Variants in ZNF607 observed in about 807,000 individuals in gnomAD.
The protein encoded by ZNF607 is zinc finger protein 607.
A neutral mutation model predicts 12.8 loss-of-function variants in ZNF607; 5 were observed. That is an observed-to-expected ratio of 0.39 (90% CI 0.20 to 0.82). The LOEUF is 0.82. Ranked by LOEUF, ZNF607 falls within the 40% of genes least tolerant of loss-of-function variation. ZNF607 has a pLI of 0.39. For synonymous variants in ZNF607, 287 were observed against 276.2 expected (o/e 1.04, Z -0.39); for missense variants, 851 against 859.2 (o/e 0.99, Z 0.12).
Position 37,699,346 on chromosome 19 carries a change from A to G in ZNF607, c.785T>C (p.Phe262Ser), listed in dbSNP as rs1203869005. 2.5e-6 allele frequency: 4 copies of G among 1,614,076 alleles called. No individual in the cohort carries two copies. In the South Asian group the frequency reaches 4.4e-5, roughly 18 times the overall value. Residue 262 changes from phenylalanine to serine, a missense_variant, in exon 5 of 5, where the codon TTT becomes TCT. Phe to Ser is a radical substitution (Grantham distance 155). Coordinates refer to ENST00000355202, the MANE Select transcript of ZNF607 (RefSeq NM_032689.5). ...PFECNKCGKS[F>S]RLKAGLKVHQ... ...TACTTTAAGGCCTGCTTTGAGCCTAAAGGACTTCCCACATTTGTTACATTC... is the reference window on the plus strand; with the variant it reads ...TACTTTAAGGCCTGCTTTGAGCCTAGAGGACTTCCCACATTTGTTACATTC...
intron 4 of ZNF607, among the ~76,000 whole-genome samples, chr19:37,701,476 A>T (rs1239404156): frequency 2.6e-5 from 4 of 152,254 alleles, no homozygotes; most frequent in Non-Finnish European, 5.9e-5. Flanking sequence ...ATTCTCTTTA[A>T]ATTAGCCAAT....
At chr19:37,703,102 A>G (rs1212896656) in intron 4 of ZNF607, among the ~76,000 whole-genome samples, 1 of 151,752 alleles carries the variant, frequency 6.6e-6, no homozygotes, top group Non-Finnish European at 1.5e-5. Flanking sequence ...ACAGGAATGC[A>G]TCACCATGCC....
rs1304914787 is a variant in ZNF607 at position 37,708,007 on chromosome 19, G to A, written c.142C>T (p.His48Tyr). ...ATTAAATCTGGCTTAGATACGGAATGTCCTGCTTACAAAGAAAAGAAGTGC... is the reference window on the plus strand; with the variant it reads ...ATTAAATCTGGCTTAGATACGGAATATCCTGCTTACAAAGAAAAGAAGTGC... Reference protein sequence around the residue: ...NYDNLVSLAGHSVSKPDLITL... With the variant: ...NYDNLVSLAGYSVSKPDLITL... Residue 48 changes from histidine to tyrosine, a missense_variant, in exon 4 of 5, where the codon CAT (histidine) becomes TAT (tyrosine). By Grantham distance (83) the His-to-Tyr change is moderately conservative. Coordinates refer to ENST00000355202, the MANE Select transcript of ZNF607 (RefSeq NM_032689.5). The A allele has an allele frequency of 2.5e-6, 4 of 1,608,270 alleles. No homozygotes were observed. In the African/African-American group the frequency reaches 4.0e-5, roughly 16 times the overall value.
intron 4 of ZNF607, 114 bp from the exon 5 acceptor site, chr19:37,700,009 A>T (rs1383609192): frequency 9.8e-7 from 1 of 1,018,896 alleles, no homozygotes. Flanking sequence ...CAGTTATAAA[A>T]TATAAAAAAT....
chr19:37,716,194 C>T (rs543491723), intron 1 of ZNF607, among the ~76,000 whole-genome samples: 7 of 152,150 alleles, frequency 4.6e-5, no homozygotes, highest in African/African-American at 1.7e-4. Context: ...AGAGCTCCTA[C>T]TGAGCAATGG....
Position 37,709,692 on chromosome 19 carries a change from A to T in ZNF607, c.136+4T>A. ...TCTAAATCATTCCAGGTTGATAAAC[A>T]TACCCAATGAGACTAAGTTGTCATA... On this transcript the variant is annotated splice_donor_region_variant and intron_variant, in intron 3 of 4. Transcript: ENST00000355202. 1 of 1,612,504 alleles carries T rather than the reference A, an allele frequency of 6.2e-7. No homozygotes were observed.
chr19:37,718,735 C>T (rs1480545980), intron 1 of ZNF607, among the ~76,000 whole-genome samples: 2 of 152,208 alleles, frequency 1.3e-5, no homozygotes, highest in Non-Finnish European at 2.9e-5. Context: ...CCCCAGGTCT[C>T]TCTCTCCAGA....
rs765616972 is a variant in ZNF607 at position 37,697,059 on chromosome 19, T to C, written c.*981A>G. ...GGTAATGAACGGCAGCACACACTCA[T>C]CGTAGTCCTCTCCAATGCTGGTGAA... is the stretch of plus-strand genomic sequence containing the variant. On this transcript the variant is annotated 3_prime_UTR_variant, in exon 5 of 5. Transcript: ENST00000355202. The C allele has an allele frequency of 1.1e-4, 78 of 738,100 alleles. No individual in the cohort carries two copies. The highest frequency in any genetic ancestry group is 1.9e-4 in the Non-Finnish European group (75 of 394,586). The allele number at this position is 738,100 out of a possible 1,614,324, so 45.7% of individuals were successfully genotyped here. A position where few individuals can be genotyped will look rare whatever the true frequency, so the allele number is the denominator to read the frequency against.
At chr19:37,701,928 A>C (rs1480665668) in intron 4 of ZNF607, among the ~76,000 whole-genome samples, 1 of 152,238 alleles carries the variant, frequency 6.6e-6, no homozygotes, top group Non-Finnish European at 1.5e-5. Flanking sequence ...ATAATCACTA[A>C]GAGTCAGTAA....
chr19:37,697,125 C>T lies in ZNF607; in HGVS notation c.*915G>A. On this transcript the variant is annotated 3_prime_UTR_variant, in exon 5 of 5. Transcript: ENST00000355202. ...GCTAGTGATGGGCCGGAAGAGGATG[C>T]ACAGTGTGATGTTGACATTCTGTAA... 1.3e-6 allele frequency: 1 copy of T among 746,684 alleles called. No homozygotes were observed. The allele number at this position is 746,684 out of a possible 1,614,324, so 46.3% of individuals were successfully genotyped here. A position where few individuals can be genotyped will look rare whatever the true frequency, so the allele number is the denominator to read the frequency against.
chr19:37,706,224 G>GAAAGGAGAGGAGAAAGGAGAAGAA (rs2045082290), intron 4 of ZNF607, among the ~76,000 whole-genome samples: 2 of 148,522 alleles, frequency 1.3e-5, no homozygotes, highest in African/African-American at 5.0e-5. Context: ...GAAGAGAGGA[G>GAAAGGAGAGGAGAAAGGAGAAGAA]AAAGGAGAGG....
rs2045008187 is a variant in ZNF607 at position 37,698,872 on chromosome 19, GGTTTCTC to G, written c.1252_1258del (p.Glu418ProfsTer105). The G allele has an allele frequency of 6.2e-7, 1 of 1,613,922 alleles. No homozygotes were observed. Among genetic ancestry groups the G allele is most frequent in the Admixed American group, 1.7e-5 (1 of 59,968 alleles). On this transcript the variant is annotated frameshift_variant, in exon 5 of 5. Coordinates refer to ENST00000355202, the MANE Select transcript of ZNF607 (RefSeq NM_032689.5). LOFTEE classifies it low-confidence loss of function (END_TRUNC). Reference sequence around the variant, plus strand: ...CTTCCCACATTCCTTACATTTGTAGGGTTTCTCACCGGTATGAATATTTTGATGTATT... The same window carrying G: ...CTTCCCACATTCCTTACATTTGTAGGACCGGTATGAATATTTTGATGTATT...
In ZNF607 at chr19:37,698,937, A is replaced by T; in HGVS notation, c.1194T>A (p.Cys398Ter). 1 of 1,614,066 alleles carries T rather than the reference A, an allele frequency of 6.2e-7. No homozygotes were observed. Among genetic ancestry groups the T allele is most frequent in the Non-Finnish European group, 8.5e-7 (1 of 1,179,992 alleles). The change falls in exon 5 of 5, where the codon TGT becomes TGA. Residue 398 changes from cysteine (C) to a stop codon, truncating the protein, a stop_gained. Coordinates refer to ENST00000355202, the MANE Select transcript of ZNF607 (RefSeq NM_032689.5). LOFTEE classifies it low-confidence loss of function (END_TRUNC). The stretch of plus-strand genomic sequence containing the variant: ...ATGAATTGAGCCTAAAGGACTTCCC[A>T]CATTTGTTACATTCATAGGGTTTCT... ...SGKKPYECNK[C>*]GKSFRLNSSL...
rs1256648532 is a variant in ZNF607, at chr19:37,696,856, A to G, written c.*1184T>C. The G allele has an allele frequency of 3.3e-5, 26 of 790,142 alleles. No individual in the cohort carries two copies. In the Admixed American group the frequency reaches 5.2e-4, roughly 16 times the overall value. The allele number at this position is 790,142 out of a possible 1,614,324, so 48.9% of individuals were successfully genotyped here. On this transcript the variant is annotated 3_prime_UTR_variant, in exon 5 of 5. Transcript: ENST00000355202. ...GGCGCTCTCTGCTTCCTGGGGGGCC[A>G]CCTGTCTGTTAACTCCTTCAAGAAG...
chr19:37,706,260 A>AAAAGG (rs554138956), intron 4 of ZNF607: 6 of 151,280 alleles, frequency 4.0e-5, no homozygotes, highest in African/African-American at 1.2e-4. Context: ...AAGGAGAGGA[A>AAAAGG]AAAGGAAAGG....
Position 37,698,316 on chromosome 19 carries a change from A to T in ZNF607, c.1815T>A (p.Ile605=), listed in dbSNP as rs754912232. ...CACTGGTATGAATTCTCTCATGAAT[A>T]ATAAGATGTGAAGCATGACTAAAAG... The part of the protein sequence containing the change: ...GETFSHASHL[I]IHERIHTSDK... The change falls in exon 5 of 5, where the codon ATT becomes ATA. Residue 605 remains isoleucine (I), a synonymous_variant. Coordinates refer to ENST00000355202, the MANE Select transcript of ZNF607 (RefSeq NM_032689.5). The T allele has an allele frequency of 6.2e-7, 1 of 1,614,044 alleles. No homozygotes were observed. The highest frequency in any genetic ancestry group is 1.3e-5 in the African/African-American group (1 of 74,910).
chr19:37,709,838 C>A lies in ZNF607; in HGVS notation c.10-16G>T. The A allele has an allele frequency of 1.2e-6, 2 of 1,609,088 alleles. No individual in the cohort carries two copies. ...TTATTGATCCCTGAAACAGCAAACC[C>A]ATGTATTACTGGGGAAATTCCAAAA... On this transcript the variant is annotated splice_polypyrimidine_tract_variant and intron_variant, in intron 2 of 4. Transcript: ENST00000355202.
chr19:37,712,608 A>G (rs2045142248), intron 1 of ZNF607, among the ~76,000 whole-genome samples: 1 of 152,206 alleles, frequency 6.6e-6, no homozygotes, highest in Non-Finnish European at 1.5e-5. Context: ...ACTAAAGGAA[A>G]AGTAAATAAA....
rs1011546607 is a variant in ZNF607, at chr19:37,699,575, C to T, written c.556G>A (p.Ala186Thr). 1 of 1,613,912 alleles carries T rather than the reference C, an allele frequency of 6.2e-7. No homozygotes were observed. Among genetic ancestry groups the T allele is most frequent in the Admixed American group, 1.7e-5 (1 of 59,990 alleles). The change falls in exon 5 of 5, where the codon GCT becomes ACT. Residue 186 changes from alanine (A) to threonine (T), a missense_variant. Physicochemically the swap from Ala to Thr is moderately conservative, Grantham distance 58. Coordinates refer to ENST00000355202, the MANE Select transcript of ZNF607 (RefSeq NM_032689.5). ...GKVFSYPANL[A>T]QHGKVHVEKP... ...TCAACATGAACTTTCCCATGTTGAG[C>T]AAGGTTTGCAGGATAACTGAAGACC...
Sources: allele counts gnomAD v4.1 joint callset (sites outside exome capture counted in the v4.1 genomes callset), GRCh38; gene constraint gnomAD v4.1.1; transcripts MANE v1.5; gene names NCBI Gene and HGNC (gene_info 2026-07-23, HGNC 2026-07-21).